The following ZNF385D variants were observed in gnomAD, a reference collection of about 807,000 sequenced individuals.
ZNF385D encodes zinc finger protein 659.
ZNF385D carries 15 observed loss-of-function variants against 35.8 expected under a neutral mutation model. That is an observed-to-expected ratio of 0.42 (90% CI 0.28 to 0.64). The LOEUF (loss-of-function observed/expected upper bound fraction) is 0.64. Ranked by LOEUF, ZNF385D falls within the 30% of genes least tolerant of loss-of-function variation. The pLI, the probability that ZNF385D is intolerant of heterozygous loss-of-function variation, is 0.23. For synonymous variants in ZNF385D, 212 were observed against 186.8 expected, an observed-to-expected ratio of 1.13 and a Z score of -1.10; for missense variants, 474 against 494.6, an observed-to-expected ratio of 0.96 and a Z score of 0.39.
At chr3:22,220,274 AGACTGGTCTT>A (rs1446941929) in intron 2 of ZNF385D, among the ~76,000 whole-genome samples, 1 of 152,024 alleles carries the variant, frequency 6.6e-6, no homozygotes, top group Non-Finnish European at 1.5e-5. Context: ...TATGTTGCCC[AGACTGGTCTT>A]GAACTCCTGA....
intron 2 of ZNF385D, among the ~76,000 whole-genome samples, chr3:22,203,006 C>T (rs770410335): frequency 6.6e-5 from 10 of 152,048 alleles, no homozygotes; most frequent in East Asian, 1.9e-4. Context: ...TGGTGTGCTG[C>T]GCTTGGAACC....
In ZNF385D at chr3:21,676,112, T is replaced by A. The variant is rs552830004; in HGVS notation, c.23-11084A>T. Among the ~76,000 whole-genome samples, 13 of 152,234 alleles carry A rather than the reference T, an allele frequency of 8.5e-5. No homozygotes were observed. In the South Asian group the frequency reaches 2.7e-3, roughly 32 times the overall value. On this transcript the variant is annotated intron_variant, in intron 1 of 7. Transcript: ENST00000281523. ...GTCACCAGCATCAAATTAAATAAAA[T>A]TTATTAAGAACAGTGAATACCACAC...
intron 3 of ZNF385D, among the ~76,000 whole-genome samples, chr3:22,130,845 T>C (rs1703743572): frequency 6.6e-6 from 1 of 152,154 alleles, no homozygotes; most frequent in Non-Finnish European, 1.5e-5. Context: ...AATTTGATGT[T>C]CCTTTGGGGG....
chr3:22,004,338 A>T (rs1020738929), intron 3 of ZNF385D, among the ~76,000 whole-genome samples: 32 of 152,006 alleles, frequency 2.1e-4, no homozygotes, highest in African/African-American at 7.7e-4. Context: ...TAGAAAGAAA[A>T]CATAGGGGAA....
At chr3:22,032,093 C>A (rs1161326725) in intron 3 of ZNF385D, among the ~76,000 whole-genome samples, 2 of 152,202 alleles carry the variant, frequency 1.3e-5, no homozygotes, top group Non-Finnish European at 2.9e-5. Context: ...CTGAGACCAC[C>A]CCAGCTGGGA....
At chr3:21,871,834 C>T (rs1184180263) in intron 3 of ZNF385D, among the ~76,000 whole-genome samples, 3 of 151,794 alleles carry the variant, frequency 2.0e-5, no homozygotes, top group Non-Finnish European at 4.4e-5. Flanking sequence ...GATGAAACCC[C>T]GTCTCTACTA....
chr3:22,215,857 C>T (rs897989894), intron 2 of ZNF385D, among the ~76,000 whole-genome samples: 21 of 152,078 alleles, frequency 1.4e-4, no homozygotes, highest in East Asian at 1.2e-3. Flanking sequence ...CCCTAGACAC[C>T]CAGCTTTACA....
intron 4 of ZNF385D, among the ~76,000 whole-genome samples, chr3:21,496,555 C>T (rs9757066): frequency 2.0e-4 from 26 of 130,716 alleles, no homozygotes; most frequent in Non-Finnish European, 3.0e-4. Context: ...TATATACACA[C>T]ATATATTTGA....
chr3:22,239,222 G>A (rs1449579651), intron 2 of ZNF385D, among the ~76,000 whole-genome samples: 1 of 151,040 alleles, frequency 6.6e-6, no homozygotes, highest in African/African-American at 2.4e-5. Context: ...CCTGCTACCA[G>A]TATCTTTAAG....
chr3:21,673,370 A>C (rs1160836403), intron 1 of ZNF385D, among the ~76,000 whole-genome samples: 1 of 152,170 alleles, frequency 6.6e-6, no homozygotes, highest in Non-Finnish European at 1.5e-5. Flanking sequence ...TTCTCACAGA[A>C]GGTGCTATTG....
chr3:21,890,781 G>A (rs1032899402), intron 3 of ZNF385D, among the ~76,000 whole-genome samples: 7 of 152,178 alleles, frequency 4.6e-5, no homozygotes, highest in African/African-American at 9.7e-5. Flanking sequence ...CTGATGGGAA[G>A]GGGTAATAAA....
intron 2 of ZNF385D, among the ~76,000 whole-genome samples, chr3:22,183,461 G>A (rs1229262032): frequency 5.9e-5 from 9 of 152,004 alleles, no homozygotes; most frequent in African/African-American, 9.6e-5. Flanking sequence ...GGGTTCAAGC[G>A]ATTCTCCTGC....
chr3:21,469,648 C>G (rs1218282579), intron 4 of ZNF385D, among the ~76,000 whole-genome samples: 1 of 151,876 alleles, frequency 6.6e-6, no homozygotes, highest in East Asian at 1.9e-4. Context: ...TACTCAAGTT[C>G]TTTTTTTAAT....
At chr3:22,361,026 T>C (rs1352036503) in intron 2 of ZNF385D, among the ~76,000 whole-genome samples, 1 of 152,062 alleles carries the variant, frequency 6.6e-6, no homozygotes, top group Non-Finnish European at 1.5e-5. Context: ...CCATTTCATT[T>C]ATGAGGAAAA....
In ZNF385D at chr3:21,831,015, G is replaced by A. The variant is rs1694957547; in HGVS notation, c.326-165987C>T. 3.3e-5 allele frequency among the ~76,000 whole-genome samples: 5 copies of A among 152,202 alleles called. No homozygotes were observed. In the South Asian group the frequency reaches 1.0e-3, roughly 32 times the overall value. On this transcript the variant is annotated intron_variant, in intron 3 of 5. Coordinates refer to the ZNF385D transcript ENST00000494108. Reference sequence around the variant, plus strand: ...AAGTGAAGAAAACCAAATGAGTCAGGTTCCAGGGCTTCAGAGTTTATGTAC... The same window carrying A: ...AAGTGAAGAAAACCAAATGAGTCAGATTCCAGGGCTTCAGAGTTTATGTAC...
At chr3:22,118,687 A>G (rs985330220) in intron 3 of ZNF385D, among the ~76,000 whole-genome samples, 18 of 152,080 alleles carry the variant, frequency 1.2e-4, no homozygotes, top group African/African-American at 3.4e-4. Context: ...ACAAACAAAG[A>G]GCAGATAGCT....
intron 3 of ZNF385D, among the ~76,000 whole-genome samples, chr3:21,844,547 C>T (rs1695880533): frequency 6.6e-6 from 1 of 151,968 alleles, no homozygotes; most frequent in Middle Eastern, 3.4e-3. Flanking sequence ...TTACAAAAAT[C>T]AAATAGGAAA....
chr3:22,175,459 A>G (rs1576447364), intron 2 of ZNF385D, among the ~76,000 whole-genome samples: 1 of 123,174 alleles, frequency 8.1e-6, no homozygotes, highest in South Asian at 2.4e-4. Flanking sequence ...AAAAAATGAG[A>G]AAAAAAAAGC....
At chr3:21,951,388 A>G (rs1004384753) in intron 3 of ZNF385D, among the ~76,000 whole-genome samples, 3 of 151,662 alleles carry the variant, frequency 2.0e-5, no homozygotes, top group African/African-American at 4.9e-5. Context: ...ATTTTTGCAC[A>G]TTGATTTTGT....
Sources: allele counts gnomAD v4.1 joint callset (sites outside exome capture counted in the v4.1 genomes callset), GRCh38; gene constraint gnomAD v4.1.1; transcripts MANE v1.5; gene names NCBI Gene and HGNC (gene_info 2026-07-23, HGNC 2026-07-21).